The following PAFAH1B1 variants were observed in gnomAD, a reference collection of about 807,000 sequenced individuals.
PAFAH1B1 encodes platelet-activating factor acetylhydrolase IB subunit beta.
Under a neutral mutation model 57.5 loss-of-function variants are expected in PAFAH1B1, and 2 were observed. The ratio of observed to expected loss-of-function variants is 0.03; its 90% CI spans 0.01 to 0.11. The LOEUF (loss-of-function observed/expected upper bound fraction) is 0.11, where lower values mean the gene tolerates loss of function less well. Among genes scored for constraint, PAFAH1B1 ranks in the 10% least tolerant of loss-of-function variants. The pLI is 1.00. For missense variants in PAFAH1B1, 257 were observed against 512.0 expected (o/e 0.50, Z 4.81); for synonymous variants, 152 against 169.6 (o/e 0.90, Z 0.81).
At chr17:2,593,199 T>TCGGAGGC (rs2068040395), upstream of PAFAH1B1, 1 of 151,646 alleles carries the variant, frequency 6.6e-6, no homozygotes, top group African/African-American at 2.4e-5. Flanking sequence ...GGAAATCATC[T>TCGGAGGC]CGGAGGCCGG....
intron 1 of PAFAH1B1, among the ~76,000 whole-genome samples, chr17:2,627,910 AT>A (rs1362623654): frequency 1.3e-5 from 2 of 152,136 alleles, no homozygotes; most frequent in African/African-American, 4.8e-5. Flanking sequence ...AGAGCTACTG[AT>A]TTGTGTACAT....
chr17:2,630,892 A>G (rs995361516), intron 1 of PAFAH1B1, among the ~76,000 whole-genome samples: 9 of 152,130 alleles, frequency 5.9e-5, no homozygotes, highest in African/African-American at 2.2e-4. Flanking sequence ...ATATCTAGCC[A>G]TAAAAGATTG....
At chr17:2,620,326 A>G (rs1567531608) in intron 1 of PAFAH1B1, among the ~76,000 whole-genome samples, 1 of 152,220 alleles carries the variant, frequency 6.6e-6, no homozygotes, top group African/African-American at 2.4e-5. Context: ...CAGATTGTTT[A>G]TAAACATCAG....
chr17:2,626,570 C>G (rs966265699), intron 1 of PAFAH1B1, among the ~76,000 whole-genome samples: 3 of 76,024 alleles, frequency 3.9e-5, no homozygotes, highest in African/African-American at 9.7e-5. Context: ...CCCCCCCCCC[C>G]CGAGGCGGAG....
Position 2,662,423 on chromosome 17 carries a change from T to TGTGTGTGTGA in PAFAH1B1, c.33-2948_33-2947insTGTGTGTGAG, listed in dbSNP as rs1032805011. ...GTGTGTGTGTGTGTGTGTGTGTGTG[T>TGTGTGTGTGA]GACGGAGTTTCACTCTGTCATCCAG... On this transcript the variant is annotated intron_variant, in intron 2 of 10. Transcript: ENST00000397195. 4.2e-5 allele frequency among the ~76,000 whole-genome samples: 6 copies of TGTGTGTGTGA among 144,076 alleles called. No individual in the cohort carries two copies. The East Asian group carries it at 6.0e-4, about 15-fold the overall frequency. 94.5% of individuals were successfully genotyped at this position (144,076 alleles called of 152,430 possible).
chr17:2,635,657 T>G (rs2068613778), intron 1 of PAFAH1B1: 1 of 152,056 alleles, frequency 6.6e-6, no homozygotes, highest in African/African-American at 2.4e-5. Flanking sequence ...TGAGCCACCA[T>G]GTACTACACT....
At chr17:2,605,163 A>G (rs1351336093) in intron 1 of PAFAH1B1, among the ~76,000 whole-genome samples, 5 of 152,230 alleles carry the variant, frequency 3.3e-5, no homozygotes, top group Non-Finnish European at 5.9e-5. Flanking sequence ...AGACAGTGAC[A>G]TTAAATGTTG....
chr17:2,675,680 A>T (rs1413958887), intron 8 of PAFAH1B1, among the ~76,000 whole-genome samples: 4 of 151,438 alleles, frequency 2.6e-5, no homozygotes, highest in African/African-American at 9.7e-5. Flanking sequence ...GACGGAAAAA[A>T]TTTTCAAAAA....
intron 1 of PAFAH1B1, among the ~76,000 whole-genome samples, chr17:2,620,586 G>C (rs1486738728): frequency 6.6e-6 from 1 of 152,070 alleles, no homozygotes; most frequent in Admixed American, 6.6e-5. Flanking sequence ...TAGCGTGGCC[G>C]GGCGCCGTTG....
intron 2 of PAFAH1B1, chr17:2,639,209 C>T (rs1477351739): frequency 6.6e-6 from 1 of 152,046 alleles, no homozygotes; most frequent in South Asian, 2.1e-4. Context: ...CTAAGCTTAT[C>T]TTTTAAAATA....
At chr17:2,663,544 C>T (rs566551157) in intron 2 of PAFAH1B1, among the ~76,000 whole-genome samples, 2 of 139,578 alleles carry the variant, frequency 1.4e-5, no homozygotes, top group East Asian at 4.3e-4. Flanking sequence ...TGAGCCACTG[C>T]CACCTGCTGA....
intron 1 of PAFAH1B1, among the ~76,000 whole-genome samples, chr17:2,606,339 T>A (rs1356025124): frequency 1.3e-5 from 2 of 151,932 alleles, no homozygotes; most frequent in Non-Finnish European, 1.5e-5. Context: ...CTATGCCCAA[T>A]GGAAAAAAAG....
chr17:2,613,941 G>T, intron 1 of PAFAH1B1: 1 of 187,086 alleles, frequency 5.3e-6, no homozygotes, highest in Non-Finnish European at 1.1e-5. Flanking sequence ...GACAGCAAGA[G>T]GGGGCGGCTG....
chr17:2,656,403 TTG>T (rs2068936929), intron 2 of PAFAH1B1, among the ~76,000 whole-genome samples: 1 of 151,810 alleles, frequency 6.6e-6, no homozygotes, highest in African/African-American at 2.4e-5. Context: ...TGAGCCATGA[TTG>T]TGCCACAGCA....
At chr17:2,628,901 G>A (rs1452425447) in intron 1 of PAFAH1B1, among the ~76,000 whole-genome samples, 1 of 152,116 alleles carries the variant, frequency 6.6e-6, no homozygotes, top group Non-Finnish European at 1.5e-5. Context: ...AGCCTTGAAT[G>A]ATCTTTTGTA....
At chr17:2,610,847 A>C (rs1400022967) in intron 1 of PAFAH1B1, among the ~76,000 whole-genome samples, 1 of 152,248 alleles carries the variant, frequency 6.6e-6, no homozygotes, top group Non-Finnish European at 1.5e-5. Flanking sequence ...GTGGGAGACC[A>C]ATCACATCAC....
intron 6 of PAFAH1B1, among the ~76,000 whole-genome samples, chr17:2,672,351 T>C (rs570701492): frequency 6.7e-6 from 1 of 148,696 alleles, no homozygotes; most frequent in African/African-American, 2.5e-5. Context: ...TCAGACTCAC[T>C]GAGGTAAGTA....
intron 9 of PAFAH1B1, among the ~76,000 whole-genome samples, chr17:2,677,045 C>G (rs879878768): frequency 1.3e-5 from 2 of 151,820 alleles, no homozygotes; most frequent in African/African-American, 4.8e-5. Flanking sequence ...CCCAGCTACT[C>G]GGGAGGCTGA....
At position 2,594,046 on chromosome 17, in the gene PAFAH1B1, C is replaced by T. The variant is rs1203965608; in HGVS notation, c.-191+40C>T. The T allele has an allele frequency of 7.5e-6, 3 of 397,742 alleles. No individual in the cohort carries two copies. The Admixed American group carries it at 1.3e-4, about 18-fold the overall frequency. 24.6% of individuals were successfully genotyped at this position (397,742 alleles called of 1,614,324 possible). A position where few individuals can be genotyped will look rare whatever the true frequency, so the allele number is the denominator to read the frequency against. ...GTCTGCGCCCTCCCCTCTGTCTCCTCCACCGCGCCCGGGCGGCTGCAGGCC... is the reference window on the plus strand; with the variant it reads ...GTCTGCGCCCTCCCCTCTGTCTCCTTCACCGCGCCCGGGCGGCTGCAGGCC... On this transcript the variant is annotated intron_variant, in intron 1 of 10. Transcript: ENST00000397195.
Sources: gnomAD v4.1 joint callset for allele counts (sites outside exome capture counted in the v4.1 genomes callset) on GRCh38, gnomAD v4.1.1 for gene constraint, MANE v1.5 for transcripts, NCBI Gene and HGNC (gene_info 2026-07-23, HGNC 2026-07-21) for gene names.